SCFD2: variants seen among roughly 807,000 people sequenced by gnomAD.
The protein encoded by SCFD2 is sec1 family domain-containing protein 2.
In SCFD2, 54 loss-of-function variants were observed where a neutral mutation model predicts 58.9. The ratio of observed to expected loss-of-function variants is 0.92; its 90% CI spans 0.74 to 1.15. SCFD2 has a LOEUF of 1.15. Ranked by LOEUF, SCFD2 falls within the 50% of genes most tolerant of loss-of-function variation. The pLI is 0.00. For synonymous variants in SCFD2, 321 were observed against 335.9 expected (o/e 0.96, Z 0.49); for missense variants, 805 against 836.6 (o/e 0.96, Z 0.47).
chr4:52,954,850 GA>G (rs1720674064), intron 5 of SCFD2, among the ~76,000 whole-genome samples: 1 of 152,162 alleles, frequency 6.6e-6, no homozygotes, highest in South Asian at 2.1e-4. Flanking sequence ...GGCCATAAAA[GA>G]GACATGGAAG....
intron 5 of SCFD2, among the ~76,000 whole-genome samples, chr4:52,952,733 T>C (rs551601327): frequency 1.3e-5 from 2 of 152,290 alleles, no homozygotes; most frequent in South Asian, 4.2e-4. Context: ...GTTTACAGCA[T>C]TACAATCTGT....
chr4:53,048,688 C>T (rs1723105959), intron 5 of SCFD2, among the ~76,000 whole-genome samples: 6 of 152,220 alleles, frequency 3.9e-5, no homozygotes, highest in Admixed American at 3.9e-4. Flanking sequence ...CTGCAGGGAG[C>T]TGTGTATCTC....
At chr4:53,061,099 C>A (rs1479115582) in intron 5 of SCFD2, among the ~76,000 whole-genome samples, 10 of 152,038 alleles carry the variant, frequency 6.6e-5, no homozygotes, top group African/African-American at 2.4e-4. Context: ...TTAAAATATG[C>A]CACAATTTTT....
At chr4:53,332,080 G>A (rs188752982) in intron 2 of SCFD2, among the ~76,000 whole-genome samples, 44 of 152,082 alleles carry the variant, frequency 2.9e-4, no homozygotes, top group Non-Finnish European at 3.5e-4. Flanking sequence ...ACCAATAACC[G>A]GAGCTGAAAT....
At chr4:53,145,699 T>G in intron 4 of SCFD2, 117 bp from the exon 5 acceptor site, 1 of 904,414 alleles carries the variant, frequency 1.1e-6, no homozygotes, top group Non-Finnish European at 1.6e-6. Flanking sequence ...ACTGACTGCA[T>G]CACTTTTTAT....
At chr4:53,250,098 G>A (rs1730299572) in intron 4 of SCFD2, among the ~76,000 whole-genome samples, 1 of 152,114 alleles carries the variant, frequency 6.6e-6, no homozygotes, top group Non-Finnish European at 1.5e-5. Flanking sequence ...ATAAAAGGAT[G>A]GAGGAAGATC....
intron 5 of SCFD2, chr4:52,956,744 A>T (rs977006380): frequency 3.2e-5 from 5 of 154,978 alleles, no homozygotes; most frequent in African/African-American, 1.2e-4. Flanking sequence ...ATTAACATCA[A>T]GTGGAGGAAG....
At chr4:52,956,385 A>G (rs1339624641) in intron 5 of SCFD2, 1 of 373,256 alleles carries the variant, frequency 2.7e-6, no homozygotes, top group African/African-American at 2.1e-5. Flanking sequence ...ATCCAGCTTA[A>G]ATTATCTTAA....
In SCFD2 at chr4:52,873,691, G is replaced by A. The variant is rs907053209; in HGVS notation, c.*278C>T. 3.4e-5 allele frequency: 8 copies of A among 235,080 alleles called. No homozygotes were observed. Among genetic ancestry groups the A allele is most frequent in the Non-Finnish European group, 6.6e-5 (8 of 120,902 alleles). 14.6% of individuals were successfully genotyped at this position (235,080 alleles called of 1,614,324 possible). A position where few individuals can be genotyped will look rare whatever the true frequency, so the allele number is the denominator to read the frequency against. On this transcript the variant is annotated 3_prime_UTR_variant, in exon 9 of 9. Coordinates refer to ENST00000401642, the MANE Select transcript of SCFD2 (RefSeq NM_152540.4). ...GGTGGAATCAGGAAGATCACAAACAGAGGGTTAAGGATAAATGGAAACGAT... is the reference window on the plus strand; with the variant it reads ...GGTGGAATCAGGAAGATCACAAACAAAGGGTTAAGGATAAATGGAAACGAT...
chr4:53,250,016 A>C (rs555287683), intron 4 of SCFD2, among the ~76,000 whole-genome samples: 1 of 152,202 alleles, frequency 6.6e-6, no homozygotes, highest in Non-Finnish European at 1.5e-5. Context: ...AAATTGGATA[A>C]AGAGTCAAGA....
chr4:53,326,475 A>G (rs954739317), intron 2 of SCFD2, among the ~76,000 whole-genome samples: 2 of 152,142 alleles, frequency 1.3e-5, no homozygotes, highest in African/African-American at 4.8e-5. Flanking sequence ...ATCTTAGTAA[A>G]TTAGGATGAG....
rs1406694293 is a variant in SCFD2 at position 53,209,358 on chromosome 4, C to T, written c.1312-63776G>A. 3.9e-5 allele frequency among the ~76,000 whole-genome samples: 6 copies of T among 152,068 alleles called. No homozygotes were observed. The East Asian group carries it at 7.7e-4, about 20-fold the overall frequency. ...AACAGACTTTTGGTTAGTATTTGTG[C>T]TCAATGTATCCTTAGGGAACTGGAT... is the stretch of plus-strand genomic sequence containing the variant. On this transcript the variant is annotated intron_variant, in intron 4 of 8. Coordinates refer to ENST00000401642, the MANE Select transcript of SCFD2 (RefSeq NM_152540.4).
chr4:52,916,987 T>G (rs891202405), intron 6 of SCFD2, among the ~76,000 whole-genome samples: 2 of 152,176 alleles, frequency 1.3e-5, no homozygotes, highest in African/African-American at 4.8e-5. Context: ...AGCCTAGAAC[T>G]CCTGGGTTTA....
intron 4 of SCFD2, among the ~76,000 whole-genome samples, chr4:53,261,669 T>C (rs1343470724): frequency 2.0e-5 from 3 of 152,194 alleles, no homozygotes; most frequent in Non-Finnish European, 2.9e-5. Flanking sequence ...GAACATTCCA[T>C]GTGCTGATGA....
At chr4:53,033,849 A>G (rs189261618) in intron 5 of SCFD2, among the ~76,000 whole-genome samples, 6 of 152,310 alleles carry the variant, frequency 3.9e-5, no homozygotes, top group African/African-American at 1.2e-4. Flanking sequence ...AAAGTCCAGG[A>G]CCAGACAGAT....
At chr4:53,163,095 G>A (rs988876166) in intron 4 of SCFD2, among the ~76,000 whole-genome samples, 3 of 152,090 alleles carry the variant, frequency 2.0e-5, no homozygotes, top group Non-Finnish European at 4.4e-5. Context: ...AAACCTGCAG[G>A]CTCAGTGGAG....
intron 5 of SCFD2, among the ~76,000 whole-genome samples, chr4:52,995,669 A>C (rs1441676203): frequency 6.6e-6 from 1 of 152,224 alleles, no homozygotes. Context: ...AGTAATGCCT[A>C]CTTTGAGGAA....
intron 5 of SCFD2, among the ~76,000 whole-genome samples, chr4:52,986,457 A>T (rs1262770292): frequency 6.7e-6 from 1 of 149,706 alleles, no homozygotes; most frequent in Non-Finnish European, 1.5e-5. Flanking sequence ...GAAGAAAGAC[A>T]CTACCTTCAT....
intron 2 of SCFD2, among the ~76,000 whole-genome samples, chr4:53,320,251 T>C (rs550532699): frequency 5.3e-5 from 8 of 152,322 alleles, no homozygotes; most frequent in Middle Eastern, 3.4e-3. Context: ...TTCTACACTG[T>C]TCTGTAAAAT....
Sources: allele counts gnomAD v4.1 joint callset (sites outside exome capture counted in the v4.1 genomes callset), GRCh38; gene constraint gnomAD v4.1.1; transcripts MANE v1.5; gene names NCBI Gene and HGNC (gene_info 2026-07-23, HGNC 2026-07-21).